DCPH1: variants seen among roughly 807,000 people sequenced by gnomAD.
DCPH1 encodes damage-control phosphatase 1.
the DCPH1 span, among the ~76,000 whole-genome samples, chr6:151,453,948 C>T: frequency 2.6e-5 from 4 of 152,174 alleles, no homozygotes; most frequent in South Asian, 6.2e-4. Context: ...GACAGTAGCA[C>T]GCCTTCATTT....
the DCPH1 span, chr6:151,454,777 T>G: frequency 5.3e-6 from 3 of 561,730 alleles, no homozygotes; most frequent in Non-Finnish European, 9.5e-6. Flanking sequence ...TATTTATTTG[T>G]TTTTAAGGTA....
the DCPH1 span, chr6:151,452,659 G>A: frequency 7.0e-7 from 1 of 1,434,778 alleles, no homozygotes; most frequent in Non-Finnish European, 9.4e-7. Context: ...GGACTAAGCG[G>A]AGGGCGCCCG....
At chr6:151,467,899 G>A in the DCPH1 span, among the ~76,000 whole-genome samples, 3 of 152,120 alleles carry the variant, frequency 2.0e-5, no homozygotes, top group Non-Finnish European at 2.9e-5. Flanking sequence ...GAGGTGTCAC[G>A]TCCTAAGGTT....
At chr6:151,464,515 A>G in the DCPH1 span, 8 of 1,611,140 alleles carry the variant, frequency 5.0e-6, no homozygotes, top group East Asian at 1.6e-4. Flanking sequence ...TATGGGTCAC[A>G]GGAATCCATC....
chr6:151,455,993 G>A, the DCPH1 span, among the ~76,000 whole-genome samples: 1 of 152,320 alleles, frequency 6.6e-6, no homozygotes, highest in African/African-American at 2.4e-5. Flanking sequence ...ATCTTGCACC[G>A]CCCTTAATCC....
chr6:151,456,768 A>C, the DCPH1 span, among the ~76,000 whole-genome samples: 1 of 152,210 alleles, frequency 6.6e-6, no homozygotes, highest in Admixed American at 6.5e-5. Context: ...CTCCCAGTTC[A>C]GCATCCTAAA....
At chr6:151,464,692 A>G in the DCPH1 span, 2 of 951,162 alleles carry the variant, frequency 2.1e-6, no homozygotes, top group African/African-American at 3.4e-5. Context: ...TTAACAAAAC[A>G]TGTAAATATT....
chr6:151,464,127 G>A, the DCPH1 span, among the ~76,000 whole-genome samples: 1 of 152,138 alleles, frequency 6.6e-6, no homozygotes, highest in Admixed American at 6.5e-5. Context: ...TTGAACTAAA[G>A]CAGTTGTCTT....
chr6:151,460,080 G>C, the DCPH1 span, among the ~76,000 whole-genome samples: 8 of 151,890 alleles, frequency 5.3e-5, no homozygotes, highest in South Asian at 1.7e-3. Context: ...TGTTGTTCTT[G>C]TTGTTGTTTG....
chr6:151,460,732 C>T, the DCPH1 span, among the ~76,000 whole-genome samples: 39 of 151,480 alleles, frequency 2.6e-4, no homozygotes, highest in African/African-American at 8.2e-4. Flanking sequence ...TGCAGTGAGC[C>T]GAAATCACAC....
chr6:151,464,590 TGAAA>T, the DCPH1 span: 1 of 1,609,026 alleles, frequency 6.2e-7, no homozygotes, highest in Non-Finnish European at 8.5e-7. Context: ...GAAAATCAGC[TGAAA>T]GATGAGTTTT....
chr6:151,467,375 G>A, the DCPH1 span, among the ~76,000 whole-genome samples: 1 of 152,040 alleles, frequency 6.6e-6, no homozygotes, highest in Admixed American at 6.6e-5. Context: ...ACGGCAGGAG[G>A]ATTGCTGGAG....
chr6:151,464,441 C>T, the DCPH1 span: 1 of 1,587,522 alleles, frequency 6.3e-7, no homozygotes, highest in Non-Finnish European at 8.6e-7. Flanking sequence ...CTTTGTTTTT[C>T]TCCTACTTTA....
chr6:151,458,404 T>G, the DCPH1 span: 1 of 1,613,668 alleles, frequency 6.2e-7, no homozygotes, highest in Non-Finnish European at 8.5e-7. Context: ...GATAAACCAT[T>G]TATCCCCTTG....
the DCPH1 span, chr6:151,458,285 G>GAC: frequency 0.012 from 17,918 of 1,541,536 alleles, 97 homozygotes; most frequent in Admixed American, 0.035. Flanking sequence ...GAATTGCACA[G>GAC]ACACACACAC....
chr6:151,469,736 G>A, the DCPH1 span: 4 of 152,584 alleles, frequency 2.6e-5, no homozygotes, highest in African/African-American at 9.7e-5. Context: ...TAGAATGGAT[G>A]TTAGGAAACT....
the DCPH1 span, chr6:151,464,657 A>G: frequency 2.8e-6 from 4 of 1,450,344 alleles, no homozygotes; most frequent in African/African-American, 4.3e-5. Flanking sequence ...TGTTTTATTT[A>G]AACAGAAAAT....
At chr6:151,467,472 T>C in the DCPH1 span, among the ~76,000 whole-genome samples, 14 of 152,158 alleles carry the variant, frequency 9.2e-5, no homozygotes, top group Non-Finnish European at 2.1e-4. Flanking sequence ...GAGTCTGTTT[T>C]GGCTAGTGTT....
the DCPH1 span, chr6:151,469,204 C>T: frequency 9.6e-7 from 1 of 1,040,276 alleles, no homozygotes; most frequent in South Asian, 1.7e-5. Flanking sequence ...CCTGGCGGCT[C>T]TGTACGCGCT....
Sources: gnomAD v4.1 joint callset for allele counts (sites outside exome capture counted in the v4.1 genomes callset) on GRCh38, gnomAD v4.1.1 for gene constraint, MANE v1.5 for transcripts, NCBI Gene and HGNC (gene_info 2026-07-23, HGNC 2026-07-21) for gene names.